The following TRIML1 variants were observed in gnomAD, a reference collection of about 807,000 sequenced individuals.
The protein encoded by TRIML1 is tripartite motif family like 1.
A neutral mutation model predicts 32.3 loss-of-function variants in TRIML1; 34 were observed. That is an observed-to-expected ratio of 1.05 (90% CI 0.80 to 1.40). The LOEUF (loss-of-function observed/expected upper bound fraction) is 1.40. Among genes scored for constraint, TRIML1 ranks in the 40% most tolerant of loss-of-function variants. TRIML1 has a pLI of 0.00. For synonymous variants in TRIML1, 244 were observed against 226.6 expected (o/e 1.08, Z -0.69); for missense variants, 595 against 574.9 (o/e 1.03, Z -0.36).
chr4:188,145,841 G>C (rs1326403453), intron 5 of TRIML1, among the ~76,000 whole-genome samples: 1 of 151,880 alleles, frequency 6.6e-6, no homozygotes, highest in African/African-American at 2.4e-5. Context: ...AATAAAAGGA[G>C]GCCCCATATG....
intron 3 of TRIML1, among the ~76,000 whole-genome samples, 159 bp downstream of exon 3, chr4:188,142,641 T>G: frequency 6.7e-6 from 1 of 149,992 alleles, no homozygotes; most frequent in African/African-American, 2.5e-5. Context: ...AATAAAGCCT[T>G]ATAGAAGAGA....
At chr4:188,150,503 C>A (rs532196399), downstream of TRIML1, among the ~76,000 whole-genome samples, 1 of 152,286 alleles carries the variant, frequency 6.6e-6, no homozygotes, top group Middle Eastern at 3.4e-3. Flanking sequence ...AAAAAGCAAA[C>A]AGCAACCATT....
downstream of TRIML1, among the ~76,000 whole-genome samples, chr4:188,148,627 C>G (rs899909990): frequency 6.6e-6 from 1 of 151,862 alleles, no homozygotes; most frequent in African/African-American, 2.4e-5. Context: ...TTTTAAGATG[C>G]AATCTCGCTC....
intron 3 of TRIML1, chr4:188,142,966 A>G (rs62351460): frequency 0.071 from 11,057 of 156,500 alleles, 498 homozygotes; most frequent in East Asian, 0.2. Context: ...GATAGTTAAT[A>G]GACAGGAGAG....
At position 188,142,428 on chromosome 4, in the gene TRIML1, A is replaced by C. The variant is rs1734897888; in HGVS notation, c.681A>C (p.Lys227Asn). ...KLTQQIRSLS[K>N]MIAQIESSSQ... ...CCCAGCAAATCAGAAGCCTAAGCAA[A>C]ATGATCGCACAGATTGAGTCCTCAA... Residue 227 changes from lysine (K) to asparagine (N), a missense_variant, in exon 3 of 6, where the codon AAA becomes AAC. Transcript: ENST00000332517. 6.2e-7 allele frequency: 1 copy of C among 1,613,800 alleles called. No individual in the cohort carries two copies. Among genetic ancestry groups the C allele is most frequent in the Admixed American group, 1.7e-5 (1 of 59,948 alleles).
chr4:188,148,797 T>A (rs1279246518), downstream of TRIML1, among the ~76,000 whole-genome samples: 4 of 151,840 alleles, frequency 2.6e-5, no homozygotes, highest in African/African-American at 4.8e-5. Flanking sequence ...AAACAGGGTT[T>A]CACCATTTTG....
Position 188,139,692 on chromosome 4 carries a change from A to G in TRIML1, c.134A>G (p.Glu45Gly), listed in dbSNP as rs780316032. 1 of 1,613,970 alleles carries G rather than the reference A, an allele frequency of 6.2e-7. No homozygotes were observed. The highest frequency in any genetic ancestry group is 1.7e-5 in the Admixed American group (1 of 60,002). Residue 45 changes from glutamate (E) to glycine (G), a missense_variant, in exon 1 of 6, where the codon GAG becomes GGG. By Grantham distance (98) the Glu-to-Gly change is moderately conservative. Transcript: ENST00000332517. The part of the protein sequence containing the change: ...FCLVCLLRSW[E>G]EHNTPLSCPE... ...CTGGTGTGTCTCCTCAGGAGCTGGGAGGAACATAACACACCTTTATCTTGT... is the reference window on the plus strand; with the variant it reads ...CTGGTGTGTCTCCTCAGGAGCTGGGGGGAACATAACACACCTTTATCTTGT...
At chr4:188,143,618 A>G in intron 3 of TRIML1, 1 of 626,854 alleles carries the variant, frequency 1.6e-6, no homozygotes, top group Non-Finnish European at 2.8e-6. Context: ...AAAGAAAAGG[A>G]CAAAGTATTC....
At chr4:188,143,779 A>G in intron 3 of TRIML1, 59 bp from the exon 4 acceptor site, 1 of 1,604,326 alleles carries the variant, frequency 6.2e-7, no homozygotes. Context: ...TGCAAAATGA[A>G]TTTCGTCTGT....
At chr4:188,140,851 G>A in intron 2 of TRIML1, 1 of 421,362 alleles carries the variant, frequency 2.4e-6, no homozygotes, top group Non-Finnish European at 4.3e-6. Flanking sequence ...ACTAGACAAC[G>A]CTGTGGCTTC....
chr4:188,142,957 A>G (rs1291187360), intron 3 of TRIML1: 2 of 156,274 alleles, frequency 1.3e-5, no homozygotes, highest in African/African-American at 4.8e-5. Flanking sequence ...TGCCCGCCTG[A>G]TAGTTAATAG....
At chr4:188,143,547 G>C in intron 3 of TRIML1, 1 of 430,740 alleles carries the variant, frequency 2.3e-6, no homozygotes, top group Non-Finnish European at 4.3e-6. Flanking sequence ...CTGGATGATC[G>C]AGACTAACAG....
downstream of TRIML1, among the ~76,000 whole-genome samples, chr4:188,148,764 G>C (rs1027956547): frequency 3.3e-5 from 5 of 151,844 alleles, no homozygotes; most frequent in Admixed American, 2.6e-4. Flanking sequence ...CATCATTCCC[G>C]GCTAGTTTTT....
chr4:188,142,714 C>T (rs529853125), intron 3 of TRIML1, among the ~76,000 whole-genome samples: 8 of 150,474 alleles, frequency 5.3e-5, no homozygotes, highest in Admixed American at 5.3e-4. Flanking sequence ...CTGAGAGTGG[C>T]TTCAATTTCT....
At chr4:188,137,381 C>T (rs970876366), upstream of TRIML1, among the ~76,000 whole-genome samples, 2 of 139,362 alleles carry the variant, frequency 1.4e-5, no homozygotes, top group Non-Finnish European at 3.0e-5. Flanking sequence ...TGGCTCACTG[C>T]AACCTCCACC....
intron 2 of TRIML1, among the ~76,000 whole-genome samples, chr4:188,141,459 C>T (rs1263572244): frequency 3.3e-5 from 5 of 152,100 alleles, no homozygotes; most frequent in Non-Finnish European, 7.4e-5. Context: ...AGCCACCGTG[C>T]TTGGCCGTAG....
At chr4:188,149,208 C>G (rs556845318), downstream of TRIML1, among the ~76,000 whole-genome samples, 12 of 151,960 alleles carry the variant, frequency 7.9e-5, no homozygotes, top group Non-Finnish European at 1.6e-4. Flanking sequence ...CGTGAGCCCC[C>G]GCGCCTGGCC....
At position 188,147,436 on chromosome 4, in the gene TRIML1, T is replaced by C; in HGVS notation, c.*64T>C. 2.9e-6 allele frequency: 4 copies of C among 1,367,356 alleles called. No homozygotes were observed. Among genetic ancestry groups the C allele is most frequent in the Non-Finnish European group, 2.9e-6 (3 of 1,046,818 alleles). 84.7% of individuals were successfully genotyped at this position (1,367,356 alleles called of 1,614,324 possible). A position where few individuals can be genotyped will look rare whatever the true frequency, so the allele number is the denominator to read the frequency against. On this transcript the variant is annotated 3_prime_UTR_variant, in exon 6 of 6. Coordinates refer to ENST00000332517, the MANE Select transcript of TRIML1 (RefSeq NM_178556.5). ...GACCAAGACACAACTATTAAGACGA[T>C]GAAGGCATCGACAGTATTAATGTCA...
At chr4:188,150,452 A>G (rs1042902130), downstream of TRIML1, among the ~76,000 whole-genome samples, 2 of 152,216 alleles carry the variant, frequency 1.3e-5, no homozygotes, top group African/African-American at 4.8e-5. Context: ...CAGATTTTAT[A>G]TCTTGATTTC....
Sources: gnomAD v4.1 joint callset for allele counts (sites outside exome capture counted in the v4.1 genomes callset) on GRCh38, gnomAD v4.1.1 for gene constraint, MANE v1.5 for transcripts, NCBI Gene and HGNC (gene_info 2026-07-23, HGNC 2026-07-21) for gene names.